The following SIL1 variants were observed in gnomAD, a reference collection of about 807,000 sequenced individuals.
SIL1 encodes the protein nucleotide exchange factor SIL1.
In SIL1, 40 loss-of-function variants were observed where a neutral mutation model predicts 49.1. The observed-to-expected ratio is 0.81, with a 90% CI of 0.63 to 1.06. The LOEUF is 1.06. SIL1 is among the 50% of genes least tolerant of loss of function. The pLI is 0.00. For missense variants in SIL1, 500 were observed against 572.6 expected (o/e 0.87, Z 1.29); for synonymous variants, 253 against 250.8 (o/e 1.01, Z -0.08).
In SIL1 at chr5:139,008,751, C is replaced by T. The variant is rs1428988774; in HGVS notation, c.767+12420G>A. ...AGTCATTCAGGAGCAGGTTGTTCAG[C>T]TTCCATGTAGTTGAGCGGCTTTGAG... On this transcript the variant is annotated intron_variant, in intron 7 of 9. Coordinates refer to ENST00000394817, the MANE Select transcript of SIL1 (RefSeq NM_022464.5). Among the ~76,000 whole-genome samples the T allele has an allele frequency of 4.3e-3, 652 of 151,018 alleles. 2 individuals are homozygous for T. Among genetic ancestry groups the T allele is most frequent in the African/African-American group, 0.013 (520 of 40,758 alleles).
At chr5:138,973,918 T>C (rs1767339896) in intron 7 of SIL1, among the ~76,000 whole-genome samples, 1 of 152,144 alleles carries the variant, frequency 6.6e-6, no homozygotes, top group Non-Finnish European at 1.5e-5. Context: ...AAAATATATG[T>C]GCAATATAAA....
rs543772969 is a variant in SIL1 at position 139,039,491 on chromosome 5, T to C, written c.453+3129A>G. Among the ~76,000 whole-genome samples the C allele has an allele frequency of 3.0e-4, 45 of 152,280 alleles. No individual in the cohort carries two copies. In the South Asian group the frequency reaches 5.2e-3, roughly 18 times the overall value. ...AATAGCAGGCTTTTCTTATAACTTT[T>C]TAAAATCTGCACCAGTTGACATTTT... On this transcript the variant is annotated intron_variant, in intron 5 of 9. Coordinates refer to ENST00000394817, the MANE Select transcript of SIL1 (RefSeq NM_022464.5).
At chr5:139,168,591 A>C (rs924879728) in intron 1 of SIL1, among the ~76,000 whole-genome samples, 2 of 151,598 alleles carry the variant, frequency 1.3e-5, no homozygotes, top group African/African-American at 4.9e-5. Context: ...CTCAGGCTGA[A>C]GTGACTTCCT....
intron 3 of SIL1, among the ~76,000 whole-genome samples, chr5:139,058,835 TTC>T (rs1342174985): frequency 1.3e-5 from 2 of 152,120 alleles, no homozygotes; most frequent in African/African-American, 4.8e-5. Flanking sequence ...CTAGTTTTTT[TTC>T]TTTTTCTTTC....
chr5:138,954,543 C>A (rs1033894937), intron 7 of SIL1, among the ~76,000 whole-genome samples: 5 of 152,278 alleles, frequency 3.3e-5, no homozygotes, highest in African/African-American at 1.2e-4. Context: ...TGAAGAAACA[C>A]AGCAGAGGAA....
intron 5 of SIL1, among the ~76,000 whole-genome samples, chr5:139,034,708 C>T (rs183337294): frequency 6.6e-6 from 1 of 152,288 alleles, no homozygotes; most frequent in Non-Finnish European, 1.5e-5. Flanking sequence ...AACTATCAAA[C>T]AATTTTAAAA....
chr5:139,169,919 C>G (rs184317437), intron 1 of SIL1, among the ~76,000 whole-genome samples: 1 of 137,618 alleles, frequency 7.3e-6, no homozygotes, highest in East Asian at 2.0e-4. Context: ...GATGCCGAGC[C>G]GAAGCTGGAC....
chr5:139,171,384 T>G (rs1397431601), intron 1 of SIL1, among the ~76,000 whole-genome samples: 1 of 152,230 alleles, frequency 6.6e-6, no homozygotes, highest in African/African-American at 2.4e-5. Flanking sequence ...TGGGATCCTG[T>G]TGATGGGTGA....
chr5:139,112,100 GCCT>G (rs1446732395), intron 3 of SIL1, among the ~76,000 whole-genome samples: 3 of 152,254 alleles, frequency 2.0e-5, no homozygotes, highest in Non-Finnish European at 4.4e-5. Flanking sequence ...GCCAGCCTCG[GCCT>G]CCCGAGGTGC....
At position 138,978,180 on chromosome 5, in the gene SIL1, G is replaced by GC. The variant is rs560658788; in HGVS notation, c.768-26297dup. Among the ~76,000 whole-genome samples, 186 of 137,416 alleles carry GC rather than the reference G, an allele frequency of 1.4e-3. 1 individual carries two copies. Among genetic ancestry groups the GC allele is most frequent in the Non-Finnish European group, 2.5e-3 (157 of 64,060 alleles). The allele number at this position is 137,416 out of a possible 152,430, so 90.2% of individuals were successfully genotyped here. A position where few individuals can be genotyped will look rare whatever the true frequency, so the allele number is the denominator to read the frequency against. ...ATCACAATTTTAAGGCATTTTCATT[G>GC]CCCCCCCATACCTATTACTAGTGCC... is the stretch of plus-strand genomic sequence containing the variant. On this transcript the variant is annotated intron_variant, in intron 7 of 9. Transcript: ENST00000394817.
intron 1 of SIL1, among the ~76,000 whole-genome samples, chr5:139,158,259 A>G (rs878937613): frequency 2.0e-5 from 3 of 152,242 alleles, no homozygotes; most frequent in Admixed American, 2.0e-4. Flanking sequence ...CACCAAATGA[A>G]TGGGGGAAAG....
rs1177962930 is a variant in SIL1, at chr5:139,053,871, T to C, written c.245-2825A>G. Among the ~76,000 whole-genome samples the C allele has an allele frequency of 2.6e-5, 4 of 152,258 alleles. No individual in the cohort carries two copies. In the East Asian group the frequency reaches 7.7e-4, roughly 29 times the overall value. On this transcript the variant is annotated intron_variant, in intron 3 of 9. Transcript: ENST00000394817. ...CAGCACCATGAATCCTTTATAGCAC[T>C]CACCACAATCAGTAATTACACATTA...
At chr5:139,159,875 A>G (rs983971380) in intron 1 of SIL1, among the ~76,000 whole-genome samples, 1 of 152,212 alleles carries the variant, frequency 6.6e-6, no homozygotes, top group Non-Finnish European at 1.5e-5. Context: ...GAGGAAATCA[A>G]TGCAAGTCAA....
chr5:138,962,073 G>A (rs1415287001), intron 7 of SIL1, among the ~76,000 whole-genome samples: 1 of 150,430 alleles, frequency 6.6e-6, no homozygotes, highest in Non-Finnish European at 1.5e-5. Context: ...TCAGAAAAGA[G>A]AATTAAGAAT....
Position 139,048,383 on chromosome 5 carries a change from T to G in SIL1, c.353+2555A>C, listed in dbSNP as rs142364782. On this transcript the variant is annotated intron_variant, in intron 4 of 9. Transcript: ENST00000394817. ...TTTTGTTGTTGGTTTTTTTTTTTTTTTTTTTTTTTTGAGACAGGGTCTGGC... is the reference window on the plus strand; with the variant it reads ...TTTTGTTGTTGGTTTTTTTTTTTTTGTTTTTTTTTTGAGACAGGGTCTGGC... Among the ~76,000 whole-genome samples the G allele has an allele frequency of 6.5e-3, 940 of 144,812 alleles. 13 individuals are homozygous for G. The highest frequency in any genetic ancestry group is 0.022 in the African/African-American group (875 of 39,114).
chr5:139,127,881 G>A, intron 1 of SIL1, 28 bp from the exon 2 acceptor site: 1 of 1,426,048 alleles, frequency 7.0e-7, no homozygotes, highest in African/African-American at 1.4e-5. Flanking sequence ...GACAACAGAA[G>A]GTCAATGAAA....
At chr5:138,981,886 G>A (rs1479282129) in intron 7 of SIL1, among the ~76,000 whole-genome samples, 2 of 152,034 alleles carry the variant, frequency 1.3e-5, no homozygotes, top group Admixed American at 6.5e-5. Flanking sequence ...ACTGTGGTTA[G>A]AAGTCTGGCT....
chr5:139,021,085 G>T, intron 7 of SIL1, 86 bp downstream of exon 7: 1 of 1,567,538 alleles, frequency 6.4e-7, no homozygotes, highest in Non-Finnish European at 8.8e-7. Context: ...AATGTCAGTA[G>T]CAACAGGCAC....
intron 1 of SIL1, among the ~76,000 whole-genome samples, chr5:139,141,859 TATTTTCAGCAC>T (rs1751086287): frequency 6.6e-6 from 1 of 152,196 alleles, no homozygotes. Context: ...TAAAATACAT[TATTTTCAGCAC>T]AGAACCTACT....
Sources: gnomAD v4.1 joint callset for allele counts (sites outside exome capture counted in the v4.1 genomes callset) on GRCh38, gnomAD v4.1.1 for gene constraint, MANE v1.5 for transcripts, NCBI Gene and HGNC (gene_info 2026-07-23, HGNC 2026-07-21) for gene names.